The following ZNF536 variants were observed in gnomAD, a reference collection of about 807,000 sequenced individuals.
ZNF536 encodes zinc finger protein 536.
In ZNF536, 13 loss-of-function variants were observed where a neutral mutation model predicts 84.5. The ratio of observed to expected loss-of-function variants is 0.15; its 90% confidence interval spans 0.10 to 0.24. The LOEUF (loss-of-function observed/expected upper bound fraction) is 0.24. Ranked by LOEUF, ZNF536 falls within the 10% of genes least tolerant of loss-of-function variation. The pLI is 1.00. For missense variants in ZNF536, 1,536 were observed against 1,747.5 expected (o/e 0.88, Z 2.16); for synonymous variants, 811 against 742.5 (o/e 1.09, Z -1.50).
chr19:30,226,265 A>G (rs1287177159), upstream of ZNF536, among the ~76,000 whole-genome samples: 2 of 152,086 alleles, frequency 1.3e-5, no homozygotes, highest in Non-Finnish European at 2.9e-5. This position sits in a 1 kb window ranked among gnomAD's most constrained non-coding sequence, Gnocchi z 4.6. Flanking sequence ...GGGCCGCGGA[A>G]ACTTCTGCTC....
At chr19:30,590,413 C>A (rs1057312090) in intron 1 of ZNF536, among the ~76,000 whole-genome samples, 2 of 152,168 alleles carry the variant, frequency 1.3e-5, no homozygotes, top group African/African-American at 4.8e-5. Context: ...GAGTGGGTGA[C>A]ATGCACATTT....
intron 1 of ZNF536, among the ~76,000 whole-genome samples, chr19:30,567,589 C>G (rs2046400468): frequency 6.6e-6 from 1 of 152,230 alleles, no homozygotes; most frequent in African/African-American, 2.4e-5. Context: ...ACCTGACCCC[C>G]ACCTTGCAAT....
In ZNF536 at chr19:30,477,479, A is replaced by G. The variant is rs1014559896; in HGVS notation, c.2170+31747A>G. On this transcript the variant is annotated intron_variant, in intron 2 of 4. Coordinates refer to ENST00000355537, the MANE Select transcript of ZNF536 (RefSeq NM_014717.3). ...TTATGAAACAGCAACCTCCCAAGAC[A>G]TGAAAAAAATATGCTTGAGGTTTCT... Among the ~76,000 whole-genome samples the G allele has an allele frequency of 2.6e-5, 4 of 152,204 alleles. No individual in the cohort carries two copies. The East Asian group carries it at 7.7e-4, about 29-fold the overall frequency.
intron 1 of ZNF536, among the ~76,000 whole-genome samples, chr19:30,388,090 C>T (rs927800336): frequency 2.0e-5 from 3 of 151,966 alleles, no homozygotes; most frequent in African/African-American, 7.3e-5. Context: ...GCTGATTTGG[C>T]CAGGATATAA....
chr19:30,337,074 T>A (rs927482278), intron 2 of ZNF536, among the ~76,000 whole-genome samples: 3 of 152,096 alleles, frequency 2.0e-5, no homozygotes, highest in Non-Finnish European at 4.4e-5. Context: ...GGCCTGTTCC[T>A]TCTTGGTGGT....
At chr19:30,540,625 C>T (rs553621133) in intron 3 of ZNF536, among the ~76,000 whole-genome samples, 1 of 152,202 alleles carries the variant, frequency 6.6e-6, no homozygotes, top group South Asian at 2.1e-4. Flanking sequence ...TATCCCATCC[C>T]GGAGTTGTCC....
intron 1 of ZNF536, among the ~76,000 whole-genome samples, chr19:30,615,593 G>C (rs764246698): frequency 2.0e-5 from 3 of 149,732 alleles, no homozygotes; most frequent in Non-Finnish European, 1.5e-5. Flanking sequence ...ATCTAGTTTT[G>C]TATTTATTTT....
At chr19:30,355,371 G>T (rs1238200756) in intron 3 of ZNF536, among the ~76,000 whole-genome samples, 1 of 152,014 alleles carries the variant, frequency 6.6e-6, no homozygotes, top group African/African-American at 2.4e-5. Context: ...ACGAGGCAGG[G>T]TCTCGTTGTT....
intron 2 of ZNF536, among the ~76,000 whole-genome samples, chr19:30,534,336 T>G (rs993569063): frequency 2.6e-5 from 4 of 152,188 alleles, no homozygotes; most frequent in Admixed American, 1.3e-4. Flanking sequence ...AAGGAAGAAA[T>G]GATCAGTTTT....
At position 30,549,406 on chromosome 19, in the gene ZNF536, A is replaced by C. The variant is rs2146255395; in HGVS notation, c.3787A>C (p.Asn1263His). The change falls in exon 4 of 5, where the codon AAC becomes CAC. Residue 1263 changes from asparagine (N) to histidine (H), a missense_variant. Around this residue, in one of 8 missense-constraint regions of ZNF536, gnomAD observed 624 missense variants for 603.1 expected, o/e 1.03. Coordinates refer to ENST00000355537, the MANE Select transcript of ZNF536 (RefSeq NM_014717.3). ...GCCCCAGAGCCTGGACAAGCCGATGAACATGCTGTCGGTCCTCAGGGCCTA... is the reference window on the plus strand; with the variant it reads ...GCCCCAGAGCCTGGACAAGCCGATGCACATGCTGTCGGTCCTCAGGGCCTA... ...RGPQSLDKPM[N>H]MLSVLRAYSS... 1 of 1,593,148 alleles carries C rather than the reference A, an allele frequency of 6.3e-7. No homozygotes were observed. The highest frequency in any genetic ancestry group is 8.6e-7 in the Non-Finnish European group (1 of 1,169,474).
chr19:30,367,117 A>G (rs897077367), intron 3 of ZNF536, among the ~76,000 whole-genome samples: 22 of 152,352 alleles, frequency 1.4e-4, no homozygotes, highest in Middle Eastern at 3.4e-3. Context: ...CTCACTTGCT[A>G]GGGGCAGTGG....
chr19:30,648,449 C>T (rs547593609), intron 1 of ZNF536, among the ~76,000 whole-genome samples: 6 of 152,300 alleles, frequency 3.9e-5, no homozygotes, highest in Non-Finnish European at 7.4e-5. Flanking sequence ...AGCCTGGCCC[C>T]GATGGCTATC....
At chr19:30,702,389 A>G (rs894386822) in intron 1 of ZNF536, among the ~76,000 whole-genome samples, 1 of 152,192 alleles carries the variant, frequency 6.6e-6, no homozygotes, top group African/African-American at 2.4e-5. Context: ...TACTTTTCGC[A>G]TGGCAGTGAT....
At chr19:30,613,600 C>G (rs2048177537) in intron 1 of ZNF536, among the ~76,000 whole-genome samples, 1 of 152,074 alleles carries the variant, frequency 6.6e-6, no homozygotes, top group Non-Finnish European at 1.5e-5. Flanking sequence ...TTTGGTATGC[C>G]TCCATCATTT....
At chr19:30,277,247 TAA>T (rs1433408364) in intron 1 of ZNF536, among the ~76,000 whole-genome samples, 2 of 152,148 alleles carry the variant, frequency 1.3e-5, no homozygotes, top group African/African-American at 4.8e-5. Context: ...ATTTGTTTAT[TAA>T]AGAGACAGGG....
chr19:30,444,284 C>A lies in ZNF536; in HGVS notation c.722C>A (p.Ala241Asp). The A allele has an allele frequency of 1.9e-6, 3 of 1,569,834 alleles. No homozygotes were observed. Among genetic ancestry groups the A allele is most frequent in the Non-Finnish European group, 1.7e-6 (2 of 1,165,648 alleles). Residue 241 changes from alanine (A) to aspartate (D), a missense_variant, in exon 2 of 5, where the codon GCC becomes GAC. By Grantham distance (126) the Ala-to-Asp change is moderately radical. This residue lies in a region of ZNF536 where 138 missense variants were observed against 136.8 expected (regional missense o/e 1.01). Coordinates refer to ENST00000355537, the MANE Select transcript of ZNF536 (RefSeq NM_014717.3). ...QQAPLAACTL[A>D]LQANHSVPDV... ...GCCCCGCTGGCCGCCTGCACCCTGG[C>A]CCTGCAGGCTAACCACAGCGTTCCC...
chr19:30,345,957 C>A lies in ZNF536; in HGVS notation c.-119-6411C>A, dbSNP rs566895759. On this transcript the variant is annotated intron_variant, in intron 2 of 5. Transcript: ENST00000585628. ...GTCTCATTCAAACTCCCGTGTACAG[C>A]ACTTGTGCTTTGTTGCCTAGTGTGA... 1.3e-4 allele frequency among the ~76,000 whole-genome samples: 20 copies of A among 152,348 alleles called. No individual in the cohort carries two copies. The South Asian group carries it at 4.1e-3, about 32-fold the overall frequency.
intron 3 of ZNF536, among the ~76,000 whole-genome samples, chr19:30,546,558 GC>G (rs1223907921): frequency 6.6e-6 from 1 of 152,172 alleles, no homozygotes; most frequent in East Asian, 1.9e-4. Flanking sequence ...CAAAGTCCAC[GC>G]CCCCAAATGC....
At chr19:30,417,044 G>T (rs1015971993) in intron 1 of ZNF536, among the ~76,000 whole-genome samples, 4 of 151,824 alleles carry the variant, frequency 2.6e-5, no homozygotes, top group African/African-American at 9.7e-5. Context: ...CACAATCTTG[G>T]CTCACTGCAG....
Sources: allele counts gnomAD v4.1 joint callset (sites outside exome capture counted in the v4.1 genomes callset), GRCh38; gene constraint gnomAD v4.1.1; regional missense constraint gnomAD v4.1.1; non-coding constraint Gnocchi (gnomAD v3.1); transcripts MANE v1.5; gene names NCBI Gene and HGNC (gene_info 2026-07-23, HGNC 2026-07-21).